CUL4B: variants seen among roughly 807,000 people sequenced by gnomAD.
CUL4B encodes cullin-4B.
In CUL4B, 1 loss-of-function variant was observed where a neutral mutation model predicts 69.2. The observed-to-expected ratio is 0.01, with a 90% CI of 0.01 to 0.07. The LOEUF (loss-of-function observed/expected upper bound fraction) is 0.07. Ranked by LOEUF, CUL4B falls within the 10% of genes least tolerant of loss-of-function variation. CUL4B has a pLI of 1.00. For synonymous variants in CUL4B, 237 were observed against 223.2 expected (o/e 1.06, Z -0.55); for missense variants, 328 against 638.8 (o/e 0.51, Z 5.24).
intron 2 of CUL4B, among the ~76,000 whole-genome samples, chrX:120,556,704 G>A (rs983944727): frequency 1.8e-5 from 2 of 108,692 alleles, no homozygotes; most frequent in Non-Finnish European, 3.8e-5. Context: ...AACTGAGAGG[G>A]CTTTAGTACC....
chrX:120,567,717 GAAA>G (rs778401536), downstream of CUL4B, among the ~76,000 whole-genome samples: 1 of 81,136 alleles, frequency 1.2e-5, no homozygotes. Flanking sequence ...TGTCTCTATC[GAAA>G]AAAAAAAAAA....
intron 10 of CUL4B, 71 bp downstream of exon 10, chrX:120,541,531 G>T: frequency 2.7e-6 from 2 of 732,420 alleles, no homozygotes; most frequent in Non-Finnish European, 4.3e-6. Flanking sequence ...AACAAGAAAT[G>T]CTTGCCAATA....
chrX:120,560,299 C>G lies in CUL4B; in HGVS notation c.340G>C (p.Ala114Pro), dbSNP rs1438453163. Residue 114 changes from alanine to proline, a missense_variant, in exon 1 of 20, where the codon GCG becomes CCG. Coordinates refer to ENST00000371322, the MANE Select transcript of CUL4B (RefSeq NM_001079872.2). ...GAGGAGGATTCCTCAGCCATCTTCGCATCAAACCCTACAAACTCCAGGGTG... is the reference window on the plus strand; with the variant it reads ...GAGGAGGATTCCTCAGCCATCTTCGGATCAAACCCTACAAACTCCAGGGTG... ...EDTLEFVGFDAKMAEESSSSS... is the reference protein window; with the variant it reads ...EDTLEFVGFDPKMAEESSSSS... The G allele has an allele frequency of 8.3e-7, 1 of 1,211,679 alleles. No individual in the cohort carries two copies. The highest frequency in any genetic ancestry group is 2.2e-5 in the Admixed American group (1 of 46,020).
In CUL4B at chrX:120,560,152, TAGA is replaced by T; in HGVS notation, c.484_486del (p.Ser162del). The stretch of plus-strand genomic sequence containing the variant: ...CTGTTAGCAAAGCTAGAGACGGTGG[TAGA>T]AGATTTGGCTAGGCCGTTTGCATGA... On this transcript the variant is annotated inframe_deletion, in exon 1 of 20. Transcript: ENST00000371322. 8 of 1,211,777 alleles carry T rather than the reference TAGA, an allele frequency of 6.6e-6. No homozygotes were observed. The highest frequency in any genetic ancestry group is 2.3e-4 in the Middle Eastern group (1 of 4,356).
intron 9 of CUL4B, among the ~76,000 whole-genome samples, chrX:120,542,127 A>G (rs1261610022): frequency 1.8e-5 from 2 of 111,833 alleles, no homozygotes; most frequent in Non-Finnish European, 3.8e-5. Context: ...TTAACTCCAT[A>G]ATGGTTTGTG....
chrX:120,551,851 G>A (rs1924708163), intron 2 of CUL4B, among the ~76,000 whole-genome samples: 1 of 111,031 alleles, frequency 9.0e-6, no homozygotes, highest in African/African-American at 3.3e-5. Context: ...ATAACCCCAA[G>A]GTATCAGTCC....
intron 2 of CUL4B, 51 bp downstream of exon 2, chrX:120,557,873 T>A (rs200449582): frequency 1.2e-6 from 1 of 852,016 alleles, no homozygotes; most frequent in Non-Finnish European, 1.7e-6. Context: ...TCCATATACA[T>A]CCCACCTCAA....
chrX:120,543,102 AG>A (rs1206651296), intron 8 of CUL4B, 69 bp from the exon 9 acceptor site: 15 of 668,257 alleles, frequency 2.2e-5, no homozygotes, highest in South Asian at 9.8e-5. Context: ...GCCTCTCCTG[AG>A]GGGGGAAAAA....
intron 1 of CUL4B, among the ~76,000 whole-genome samples, chrX:120,559,324 A>G (rs1387461072): frequency 8.9e-6 from 1 of 112,421 alleles, no homozygotes; most frequent in Non-Finnish European, 1.9e-5. Flanking sequence ...AAAATTGCTG[A>G]TTTTATATTT....
upstream of CUL4B, among the ~76,000 whole-genome samples, chrX:120,565,892 A>AT (rs1293275990): frequency 1.9e-5 from 2 of 102,901 alleles, no homozygotes; most frequent in African/African-American, 3.5e-5. Flanking sequence ...CGCCCAGCTA[A>AT]TTTTTTTTTG....
intron 6 of CUL4B, 63 bp downstream of exon 6, chrX:120,544,418 G>A: frequency 8.9e-7 from 1 of 1,123,663 alleles, no homozygotes; most frequent in Non-Finnish European, 1.2e-6. Flanking sequence ...CCTGTCTGAT[G>A]TGGGGGGAAA....
upstream of CUL4B, chrX:120,561,026 G>A: frequency 1.0e-6 from 1 of 964,131 alleles, no homozygotes; most frequent in Non-Finnish European, 1.3e-6. Flanking sequence ...GTGGTTGGGG[G>A]AAAGGGGGAG....
chrX:120,565,052 C>T (rs1052408977), upstream of CUL4B, among the ~76,000 whole-genome samples: 1 of 112,281 alleles, frequency 8.9e-6, no homozygotes, highest in Non-Finnish European at 1.9e-5. Flanking sequence ...TTTACAATGT[C>T]AATTCCTTTA....
rs187144891 is a variant in CUL4B, at chrX:120,527,680, T to C, written c.2593-824A>G. Among the ~76,000 whole-genome samples the C allele has an allele frequency of 2.5e-4, 28 of 112,268 alleles. No homozygotes were observed. In the East Asian group the frequency reaches 7.6e-3, roughly 30 times the overall value. On this transcript the variant is annotated intron_variant, in intron 19 of 19. Transcript: ENST00000371322. ...CTTACATAGCCTGAAGATAATTTTA[T>C]ACCTTTTGTGCATGAAACAAAGTTT...
chrX:120,553,097 A>G (rs1924781033), intron 2 of CUL4B, among the ~76,000 whole-genome samples: 1 of 112,437 alleles, frequency 8.9e-6, no homozygotes, highest in African/African-American at 3.2e-5. Flanking sequence ...TTATTATTTA[A>G]TAATCTATTG....
At chrX:120,528,463 T>C (rs1447485229) in intron 19 of CUL4B, among the ~76,000 whole-genome samples, 1 of 108,870 alleles carries the variant, frequency 9.2e-6, no homozygotes, top group East Asian at 2.9e-4. Flanking sequence ...CAGTGGCTCA[T>C]GCCTGTAATC....
chrX:120,561,038 G>C, upstream of CUL4B: 2 of 972,542 alleles, frequency 2.1e-6, no homozygotes, highest in Non-Finnish European at 2.6e-6. Flanking sequence ...AAGGGGGAGG[G>C]GGAAAGAACC....
At chrX:120,558,099 T>G in intron 1 of CUL4B, 60 bp from the exon 2 acceptor site, 1 of 675,148 alleles carries the variant, frequency 1.5e-6, no homozygotes, top group Non-Finnish European at 2.4e-6. Flanking sequence ...AACCAAAGAT[T>G]CATAAAATAT....
At chrX:120,559,913 C>G (rs753289716) in intron 1 of CUL4B, 170 bp downstream of exon 1, 2 of 1,135,746 alleles carry the variant, frequency 1.8e-6, no homozygotes, top group East Asian at 6.6e-5. Flanking sequence ...ATCCTAACCA[C>G]CCCCGGAAAA....
Sources: gnomAD v4.1 joint callset for allele counts (sites outside exome capture counted in the v4.1 genomes callset) on GRCh38, gnomAD v4.1.1 for gene constraint, MANE v1.5 for transcripts, NCBI Gene and HGNC (gene_info 2026-07-23, HGNC 2026-07-21) for gene names.